Variants in CELSR1 observed in about 807,000 individuals in gnomAD.
CELSR1 encodes adhesion G protein-coupled receptor C1.
CELSR1 carries 110 observed loss-of-function variants against 249.1 expected under a neutral mutation model. The observed-to-expected ratio is 0.44, with a 90% CI of 0.38 to 0.52. The LOEUF is 0.52. Among genes scored for constraint, CELSR1 ranks in the 20% least tolerant of loss-of-function variants. CELSR1 has a pLI of 0.00. For synonymous variants in CELSR1, 2,113 were observed against 1,900.0 expected, an observed-to-expected ratio of 1.11 and a Z score of -2.92; for missense variants, 4,109 against 4,296.4, an observed-to-expected ratio of 0.96 and a Z score of 1.22.
In CELSR1 at chr22:46,393,865, G is replaced by A. The variant is rs2079120594; in HGVS notation, c.5964+277C>T. On this transcript the variant is annotated intron_variant, in intron 14 of 34. Coordinates refer to ENST00000674500, the MANE Select transcript of CELSR1 (RefSeq NM_001378328.1). The surrounding 1 kb of genome is among the most constrained non-coding windows in gnomAD (Gnocchi z 4.1). ...ACAGCCATGGGCAGTAGGCCGGGAG[G>A]AGGCAGGGATTCCTGTTCCACGGGC... is the stretch of plus-strand genomic sequence containing the variant. 6.6e-6 allele frequency among the ~76,000 whole-genome samples: 1 copy of A among 152,240 alleles called. No homozygotes were observed. Among genetic ancestry groups the A allele is most frequent in the Non-Finnish European group, 1.5e-5 (1 of 68,052 alleles).
intron 5 of CELSR1, among the ~76,000 whole-genome samples, chr22:46,420,951 C>T (rs551005815): frequency 1.3e-5 from 2 of 152,206 alleles, no homozygotes; most frequent in East Asian, 1.9e-4. Context: ...CAGGAAAACG[C>T]GACAGCCCTC....
At chr22:46,532,189 C>T (rs2080798714) in intron 1 of CELSR1, among the ~76,000 whole-genome samples, 1 of 152,208 alleles carries the variant, frequency 6.6e-6, no homozygotes, top group South Asian at 2.1e-4. Context: ...AATCTAAACC[C>T]TATTATTGGG....
intron 1 of CELSR1, among the ~76,000 whole-genome samples, chr22:46,522,178 T>G (rs1026637175): frequency 3.3e-5 from 5 of 152,174 alleles, no homozygotes; most frequent in African/African-American, 1.2e-4. Flanking sequence ...CAGTCTGGAG[T>G]GCAGTGATGC....
In CELSR1 at chr22:46,448,034, G is replaced by A. The variant is rs540286184; in HGVS notation, c.4184-8623C>T. On this transcript the variant is annotated intron_variant, in intron 2 of 34. Coordinates refer to ENST00000674500, the MANE Select transcript of CELSR1 (RefSeq NM_001378328.1). This position sits in a 1 kb window ranked among gnomAD's most constrained non-coding sequence, Gnocchi z 5.7. Reference sequence around the variant, plus strand: ...GGACCTGTCCCATACCAGGCTTGGGGCTGGTGCACTGCCCTGCCTGCCCAG... The same window carrying A: ...GGACCTGTCCCATACCAGGCTTGGGACTGGTGCACTGCCCTGCCTGCCCAG... Among the ~76,000 whole-genome samples the A allele has an allele frequency of 1.3e-5, 2 of 152,334 alleles. No individual in the cohort carries two copies. Among genetic ancestry groups the A allele is most frequent in the East Asian group, 1.9e-4 (1 of 5,184 alleles).
At position 46,433,365 on chromosome 22, in the gene CELSR1, CA is replaced by C. The variant is rs954730957; in HGVS notation, c.4611+27del. 1.3e-6 allele frequency: 2 copies of C among 1,594,330 alleles called. No individual in the cohort carries two copies. On this transcript the variant is annotated intron_variant, in intron 5 of 34. Coordinates refer to ENST00000674500, the MANE Select transcript of CELSR1 (RefSeq NM_001378328.1). This position sits in a 1 kb window ranked among gnomAD's most constrained non-coding sequence, Gnocchi z 5.7. ...GCACCTTCTCGAGCCGCCCTGGGGCCAGGGGGAAGTGGTGGGGCCCATCTTA... is the reference window on the plus strand; with the variant it reads ...GCACCTTCTCGAGCCGCCCTGGGGCCGGGGGAAGTGGTGGGGCCCATCTTA...
rs1469094782 is a variant in CELSR1 at position 46,506,693 on chromosome 22, C to T, written c.3544+26934G>A. Among the ~76,000 whole-genome samples the T allele has an allele frequency of 6.6e-6, 1 of 152,178 alleles. No individual in the cohort carries two copies. The highest frequency in any genetic ancestry group is 1.5e-5 in the Non-Finnish European group (1 of 68,048). ...CTCCCTACCCGCAGTGACGCACAGC[C>T]GCTGAGACAAGCCCAAATCGAGAGT... On this transcript the variant is annotated intron_variant, in intron 1 of 34. Transcript: ENST00000674500. This position sits in a 1 kb window ranked among gnomAD's most constrained non-coding sequence, Gnocchi z 4.1.
Position 46,384,575 on chromosome 22 carries a change from G to C in CELSR1, c.6851C>G (p.Pro2284Arg). The C allele has an allele frequency of 6.2e-7, 1 of 1,613,006 alleles. No individual in the cohort carries two copies. ...PRELESSVSF[P>R]ADFFRPPEEK... ...TTCAGGTGGTCTGAAGAAGTCGGCT[G>C]GGAAGGAGACGGAGGACTCCAGCTC... The change falls in exon 20 of 35, where the codon CCA becomes CGA. Residue 2284 changes from proline to arginine, a missense_variant. Coordinates refer to ENST00000674500, the MANE Select transcript of CELSR1 (RefSeq NM_001378328.1).
At position 46,411,218 on chromosome 22, in the gene CELSR1, A is replaced by G. The variant is rs978261952; in HGVS notation, c.4769+384T>C. ...CATCTCAGAAAAAAACAAAACAACA[A>G]CAAAAAAACATAAGCCTCTGGGACC... On this transcript the variant is annotated intron_variant, in intron 6 of 34. Coordinates refer to ENST00000674500, the MANE Select transcript of CELSR1 (RefSeq NM_001378328.1). The surrounding 1 kb of genome is among the most constrained non-coding windows in gnomAD (Gnocchi z 4.2). Among the ~76,000 whole-genome samples, 1 of 152,024 alleles carries G rather than the reference A, an allele frequency of 6.6e-6. No homozygotes were observed. Among genetic ancestry groups the G allele is most frequent in the African/African-American group, 2.4e-5 (1 of 41,358 alleles).
intron 17 of CELSR1, 88 bp from the exon 18 acceptor site, chr22:46,389,587 G>A (rs766842625): frequency 8.2e-6 from 11 of 1,340,198 alleles, no homozygotes; most frequent in Middle Eastern, 1.8e-4. Flanking sequence ...CTACTGTCTG[G>A]TGCAAGTTTC....
chr22:46,478,011 CAT>C (rs1417625680), intron 1 of CELSR1, among the ~76,000 whole-genome samples: 3 of 152,198 alleles, frequency 2.0e-5, no homozygotes, highest in African/African-American at 7.2e-5. Context: ...GATGACCACA[CAT>C]GTCTCCAGAC....
chr22:46,518,189 C>T lies in CELSR1; in HGVS notation c.3544+15438G>A, dbSNP rs887470701. On this transcript the variant is annotated intron_variant, in intron 1 of 34. Transcript: ENST00000674500. The surrounding 1 kb of genome is among the most constrained non-coding windows in gnomAD (Gnocchi z 5.2). ...CCTCCCAAAGTGCTGTGATTGCAGG[C>T]GTGAGCCACCACGCCTGGCCTCGGC... 7.2e-5 allele frequency among the ~76,000 whole-genome samples: 11 copies of T among 152,274 alleles called. No individual in the cohort carries two copies. The highest frequency in any genetic ancestry group is 3.9e-4 in the East Asian group (2 of 5,178).
chr22:46,390,299 C>T lies in CELSR1; in HGVS notation c.6345+93G>A, dbSNP rs1220896446. Reference sequence around the variant, plus strand: ...GCCATCCCAGCCGCCCCAACACTCCCCAGCCCAGGAGCCTCGGCCCACACA... The same window carrying T: ...GCCATCCCAGCCGCCCCAACACTCCTCAGCCCAGGAGCCTCGGCCCACACA... On this transcript the variant is annotated intron_variant, in intron 17 of 34. Transcript: ENST00000674500. This position sits in a 1 kb window ranked among gnomAD's most constrained non-coding sequence, Gnocchi z 6.3. The T allele has an allele frequency of 5.6e-6, 6 of 1,074,442 alleles. No homozygotes were observed. The Admixed American group carries it at 9.4e-5, about 17-fold the overall frequency. The allele number at this position is 1,074,442 out of a possible 1,614,324, so 66.6% of individuals were successfully genotyped here.
chr22:46,455,311 C>A (rs549067135), intron 2 of CELSR1, among the ~76,000 whole-genome samples: 1 of 152,258 alleles, frequency 6.6e-6, no homozygotes, highest in African/African-American at 2.4e-5. Flanking sequence ...CTCACTGTAA[C>A]CTCCGCCTCC....
chr22:46,504,744 T>C (rs2080498725), intron 1 of CELSR1, among the ~76,000 whole-genome samples: 2 of 152,094 alleles, frequency 1.3e-5, no homozygotes, highest in African/African-American at 2.4e-5. Context: ...TTGACCACGG[T>C]TATCAAATGT....
In CELSR1 at chr22:46,369,225, C is replaced by T. The variant is rs779696444; in HGVS notation, c.7906G>A (p.Val2636Ile). The part of the protein sequence containing the change: ...NTVTSVLSAK[V>I]SCQRKHHYYG... Reference sequence around the variant, plus strand: ...TAATGGTGCTTTCTTTGGCAGGAAACCTTTGCAGATAGGACAGAAGTGACT... The same window carrying T: ...TAATGGTGCTTTCTTTGGCAGGAAATCTTTGCAGATAGGACAGAAGTGACT... Residue 2636 changes from valine to isoleucine, a missense_variant, in exon 27 of 35, where the codon GTT becomes ATT. Val to Ile is a conservative substitution (Grantham distance 29). This residue lies in a region of CELSR1 where 1,805 missense variants were observed against 1,831.6 expected (regional missense o/e 0.99). Coordinates refer to ENST00000674500, the MANE Select transcript of CELSR1 (RefSeq NM_001378328.1). The T allele has an allele frequency of 1.2e-6, 2 of 1,613,926 alleles. No individual in the cohort carries two copies. Among genetic ancestry groups the T allele is most frequent in the African/African-American group, 1.3e-5 (1 of 74,902 alleles).
At chr22:46,450,148 C>T (rs2079867151) in intron 2 of CELSR1, among the ~76,000 whole-genome samples, 1 of 152,230 alleles carries the variant, frequency 6.6e-6, no homozygotes, top group Non-Finnish European at 1.5e-5. Context: ...GGGTCATGCA[C>T]AGCAGTCCAC....
rs1033019180 is a variant in CELSR1, at chr22:46,374,299, G to A, written c.7585-1242C>T. Among the ~76,000 whole-genome samples, 1 of 152,196 alleles carries A rather than the reference G, an allele frequency of 6.6e-6. No homozygotes were observed. Among genetic ancestry groups the A allele is most frequent in the Non-Finnish European group, 1.5e-5 (1 of 68,032 alleles). On this transcript the variant is annotated intron_variant, in intron 24 of 34. Coordinates refer to ENST00000674500, the MANE Select transcript of CELSR1 (RefSeq NM_001378328.1). This position sits in a 1 kb window ranked among gnomAD's most constrained non-coding sequence, Gnocchi z 4.3. ...CAAGTAATGCGAAAAGTAAACCCAC[G>A]AAACCACCTTTTGAAAACAAAGTGC...
intron 1 of CELSR1, among the ~76,000 whole-genome samples, chr22:46,509,272 G>A (rs1309218349): frequency 6.6e-6 from 1 of 152,218 alleles, no homozygotes; most frequent in African/African-American, 2.4e-5. Context: ...GACCCCATGT[G>A]CCATGACACC....
chr22:46,391,890 G>A lies in CELSR1; in HGVS notation c.5965-74C>T. 2.7e-6 allele frequency: 4 copies of A among 1,477,924 alleles called. No homozygotes were observed. The highest frequency in any genetic ancestry group is 1.3e-5 in the South Asian group (1 of 79,598). The allele number at this position is 1,477,924 out of a possible 1,614,324, so 91.6% of individuals were successfully genotyped here. A position where few individuals can be genotyped will look rare whatever the true frequency, so the allele number is the denominator to read the frequency against. On this transcript the variant is annotated intron_variant, in intron 14 of 34. Transcript: ENST00000674500. This position sits in a 1 kb window ranked among gnomAD's most constrained non-coding sequence, Gnocchi z 4.3. Reference sequence around the variant, plus strand: ...CCCTACCTTGCAGCGTGTTTCCCGAGCGACGTCCAGACTCCCACCCGGGTG... The same window carrying A: ...CCCTACCTTGCAGCGTGTTTCCCGAACGACGTCCAGACTCCCACCCGGGTG...
Sources: allele counts gnomAD v4.1 joint callset (sites outside exome capture counted in the v4.1 genomes callset), GRCh38; gene constraint gnomAD v4.1.1; regional missense constraint gnomAD v4.1.1; non-coding constraint Gnocchi (gnomAD v3.1); transcripts MANE v1.5; gene names NCBI Gene and HGNC (gene_info 2026-07-23, HGNC 2026-07-21).